FUT8: variants seen among roughly 807,000 people sequenced by gnomAD.
FUT8 encodes the protein fucosyltransferase 8, also known as alpha-(1,6)-fucosyltransferase.
Under a neutral mutation model 71.3 loss-of-function variants are expected in FUT8, and 29 were observed. The observed-to-expected ratio is 0.41, with a 90% confidence interval of 0.30 to 0.55. The LOEUF is 0.55. Among genes scored for constraint, FUT8 ranks in the 20% least tolerant of loss-of-function variants. FUT8 has a pLI of 0.34. For synonymous variants in FUT8, 254 were observed against 239.3 expected, an observed-to-expected ratio of 1.06 and a Z score of -0.57; for missense variants, 544 against 702.1, an observed-to-expected ratio of 0.77 and a Z score of 2.55.
chr14:65,380,017 C>G, the FUT8 span, among the ~76,000 whole-genome samples: 1 of 152,226 alleles, frequency 6.6e-6, no homozygotes, highest in Non-Finnish European at 1.5e-5. Context: ...CCTCTTAATA[C>G]CAGCACAATA....
At chr14:65,411,827 G>A (rs1156519572), upstream of FUT8, 3 of 350,672 alleles carry the variant, frequency 8.6e-6, no homozygotes, top group East Asian at 2.4e-4. Flanking sequence ...CACGCGGCGC[G>A]CAGCTCTGAT....
intron 2 of FUT8, among the ~76,000 whole-genome samples, chr14:65,532,605 C>T (rs1189131511): frequency 2.6e-5 from 4 of 152,030 alleles, no homozygotes; most frequent in East Asian, 3.9e-4. Context: ...TTTTCTCTGT[C>T]GATAGTTTCT....
Position 65,574,584 on chromosome 14 carries a change from G to A in FUT8, c.203+12818G>A, listed in dbSNP as rs1163287162. 6.6e-6 allele frequency among the ~76,000 whole-genome samples: 1 copy of A among 152,130 alleles called. No homozygotes were observed. Among genetic ancestry groups the A allele is most frequent in the Admixed American group, 6.5e-5 (1 of 15,274 alleles). On this transcript the variant is annotated intron_variant, in intron 3 of 10. Transcript: ENST00000673929. The surrounding 1 kb of genome is among the most constrained non-coding windows in gnomAD (Gnocchi z 5.2). ...GCTAAAACCAGCAAGAGCTCAAAGA[G>A]TCTGACTCTAGGTATTATAGAATAA...
intron 7 of FUT8, among the ~76,000 whole-genome samples, chr14:65,677,151 T>TGTGTGTGTGTGTGTGTGTGCGC: frequency 1.1e-3 from 125 of 110,728 alleles, no homozygotes; most frequent in Non-Finnish European, 1.6e-3. Context: ...TGTGTGTGTG[T>TGTGTGTGTGTGTGTGTGTGCGC]GCGCGCGCGC....
chr14:65,608,360 G>C (rs1040056599), intron 3 of FUT8, among the ~76,000 whole-genome samples: 7 of 151,798 alleles, frequency 4.6e-5, no homozygotes, highest in Non-Finnish European at 1.0e-4. Flanking sequence ...ATTGTTGAAA[G>C]TATTTAAGAA....
At chr14:65,507,680 A>G (rs1458405041) in intron 2 of FUT8, among the ~76,000 whole-genome samples, 4 of 152,162 alleles carry the variant, frequency 2.6e-5, no homozygotes, top group African/African-American at 9.6e-5. Flanking sequence ...TATGTACCAC[A>G]TTTTCTTTGT....
At chr14:65,419,301 C>T (rs2065260191) in intron 1 of FUT8, among the ~76,000 whole-genome samples, 1 of 152,088 alleles carries the variant, frequency 6.6e-6, no homozygotes, top group South Asian at 2.1e-4. Context: ...CAAATTCTAA[C>T]CTTCATGTGC....
At chr14:65,702,067 C>T (rs986072100) in intron 7 of FUT8, among the ~76,000 whole-genome samples, 2 of 152,070 alleles carry the variant, frequency 1.3e-5, no homozygotes, top group East Asian at 1.9e-4. Flanking sequence ...AACAAGAGGC[C>T]GGGCGTGGTG....
rs893615987 is a variant in FUT8, at chr14:65,627,820, T to G, written c.483-1672T>G. 6.6e-6 allele frequency among the ~76,000 whole-genome samples: 1 copy of G among 152,202 alleles called. No individual in the cohort carries two copies. The highest frequency in any genetic ancestry group is 2.4e-5 in the African/African-American group (1 of 41,466). On this transcript the variant is annotated intron_variant, in intron 5 of 10. Transcript: ENST00000673929. This position sits in a 1 kb window ranked among gnomAD's most constrained non-coding sequence, Gnocchi z 4.0. ...GTTGTTTTCTATCTATTTAGGAGAC[T>G]GCCGTTCCCTGGCACCAGCTGTGAC...
At chr14:65,520,499 T>G (rs1883008311) in intron 2 of FUT8, among the ~76,000 whole-genome samples, 1 of 152,172 alleles carries the variant, frequency 6.6e-6, no homozygotes, top group Admixed American at 6.5e-5. Flanking sequence ...TTTTCTTAAT[T>G]TATTTCAATA....
chr14:65,473,217 G>T (rs1566769510), intron 2 of FUT8, among the ~76,000 whole-genome samples: 1 of 152,062 alleles, frequency 6.6e-6, no homozygotes, highest in Non-Finnish European at 1.5e-5. Context: ...GTACTGTTAG[G>T]TTGGTCAGAC....
rs1339230558 is a variant in FUT8, at chr14:65,743,284, A to C, written c.*874A>C. ...TTTCCTGTTTCTGATATAGTAACTA[A>C]TTCTTAACTCAGAGACATTGGTCCA... On this transcript the variant is annotated 3_prime_UTR_variant, in exon 11 of 11. Coordinates refer to ENST00000673929, the MANE Select transcript of FUT8 (RefSeq NM_001371533.1). 1 of 151,912 alleles carries C rather than the reference A, an allele frequency of 6.6e-6. No homozygotes were observed. Among genetic ancestry groups the C allele is most frequent in the Non-Finnish European group, 1.5e-5 (1 of 67,918 alleles). 9.4% of individuals were successfully genotyped at this position (151,912 alleles called of 1,614,324 possible). A position where few individuals can be genotyped will look rare whatever the true frequency, so the allele number is the denominator to read the frequency against.
chr14:65,591,580 G>T (rs1196687971), intron 3 of FUT8, among the ~76,000 whole-genome samples: 1 of 152,080 alleles, frequency 6.6e-6, no homozygotes, highest in African/African-American at 2.4e-5. Context: ...TGAAAGGCAG[G>T]TAAGTTATTA....
At chr14:65,616,116 C>T (rs750176730) in intron 4 of FUT8, 23 bp downstream of exon 4, 1 of 1,606,650 alleles carries the variant, frequency 6.2e-7, no homozygotes, top group South Asian at 1.1e-5. Flanking sequence ...ACAGTGTTTT[C>T]CCCTCCTCAG....
intron 7 of FUT8, among the ~76,000 whole-genome samples, chr14:65,718,877 G>T (rs1045561078): frequency 1.5e-4 from 23 of 152,036 alleles, no homozygotes; most frequent in Non-Finnish European, 4.4e-5. Context: ...TTCTTTTGCT[G>T]CTTTTAGGAT....
chr14:65,624,950 C>T (rs1889817604), intron 5 of FUT8, among the ~76,000 whole-genome samples: 1 of 152,080 alleles, frequency 6.6e-6, no homozygotes. Flanking sequence ...CCTGTAATCC[C>T]AGCTATTTGG....
chr14:65,365,043 C>T, the FUT8 span, among the ~76,000 whole-genome samples: 1 of 152,148 alleles, frequency 6.6e-6, no homozygotes, highest in African/African-American at 2.4e-5. Context: ...TCTATTCTCC[C>T]TCACTCTATT....
chr14:65,555,631 G>T (rs948562261), intron 2 of FUT8, among the ~76,000 whole-genome samples: 1 of 152,176 alleles, frequency 6.6e-6, no homozygotes, highest in Non-Finnish European at 1.5e-5. Context: ...CTGTGCTGGT[G>T]TTCAGCAAAT....
intron 1 of FUT8, among the ~76,000 whole-genome samples, chr14:65,439,180 G>A (rs1032457003): frequency 1.3e-5 from 2 of 152,162 alleles, no homozygotes; most frequent in African/African-American, 4.8e-5. Flanking sequence ...GCTTGTTACT[G>A]TCACAGTTAT....
Sources: gnomAD v4.1 joint callset for allele counts (sites outside exome capture counted in the v4.1 genomes callset) on GRCh38, gnomAD v4.1.1 for gene constraint, Gnocchi (gnomAD v3.1) non-coding constraint, MANE v1.5 for transcripts, NCBI Gene and HGNC (gene_info 2026-07-23, HGNC 2026-07-21) for gene names.